The following PAPOLA variants were observed in gnomAD, a reference collection of about 807,000 sequenced individuals.
The protein encoded by PAPOLA is polynucleotide adenylyltransferase alpha.
Under a neutral mutation model 100.6 loss-of-function variants are expected in PAPOLA, and 15 were observed. That is an observed-to-expected ratio of 0.15 (90% CI 0.10 to 0.23). PAPOLA has a LOEUF of 0.23. Ranked by LOEUF, PAPOLA falls within the 10% of genes least tolerant of loss-of-function variation. The pLI is 1.00. For synonymous variants in PAPOLA, 293 were observed against 300.0 expected, an observed-to-expected ratio of 0.98 and a Z score of 0.24; for missense variants, 533 against 884.2, an observed-to-expected ratio of 0.60 and a Z score of 5.04.
At chr14:96,522,571 C>A (rs563330624) in intron 3 of PAPOLA, among the ~76,000 whole-genome samples, 2 of 152,210 alleles carry the variant, frequency 1.3e-5, no homozygotes, top group East Asian at 3.9e-4. Context: ...CACCACCAAG[C>A]CTGGCTAATT....
chr14:96,502,798 C>A lies in PAPOLA; in HGVS notation c.8+198C>A, dbSNP rs562230364. 1.9e-4 allele frequency: 103 copies of A among 543,730 alleles called. 1 individual carries two copies. In the East Asian group the frequency reaches 3.4e-3, roughly 18 times the overall value. The allele number at this position is 543,730 out of a possible 1,614,324, so 33.7% of individuals were successfully genotyped here. On this transcript the variant is annotated intron_variant, in intron 1 of 21. Coordinates refer to ENST00000216277, the MANE Select transcript of PAPOLA (RefSeq NM_032632.5). ...CCCCCCGTGTGCTGGGTTCCCGCGTCCCCCGACCCTTCCTGGCTGGGTCAG... is the reference window on the plus strand; with the variant it reads ...CCCCCCGTGTGCTGGGTTCCCGCGTACCCCGACCCTTCCTGGCTGGGTCAG...
chr14:96,560,306 C>T (rs1354123747), intron 19 of PAPOLA: 2 of 181,510 alleles, frequency 1.1e-5, no homozygotes, highest in Non-Finnish European at 2.3e-5. Context: ...GGGGGTGATA[C>T]TATGCCAAGT....
chr14:96,543,547 TATTG>T (rs1390585714), intron 14 of PAPOLA, among the ~76,000 whole-genome samples: 7 of 151,818 alleles, frequency 4.6e-5, no homozygotes, highest in Admixed American at 4.6e-4. Context: ...ACAGTATTCT[TATTG>T]ATTATATAGA....
rs1290622739 is a variant in PAPOLA at position 96,502,685 on chromosome 14, G to A, written c.8+85G>A. ...GAAGGGGAAGAGGTAGGCGGAGAGG[G>A]TGGCACGCGAGCCCGACCCTCCCCG... On this transcript the variant is annotated intron_variant, in intron 1 of 21. Coordinates refer to ENST00000216277, the MANE Select transcript of PAPOLA (RefSeq NM_032632.5). 1.0e-5 allele frequency: 15 copies of A among 1,473,784 alleles called. No individual in the cohort carries two copies. In the Admixed American group the frequency reaches 1.2e-4, roughly 11 times the overall value. 91.3% of individuals were successfully genotyped at this position (1,473,784 alleles called of 1,614,324 possible). A position where few individuals can be genotyped will look rare whatever the true frequency, so the allele number is the denominator to read the frequency against.
intron 17 of PAPOLA, among the ~76,000 whole-genome samples, chr14:96,555,253 T>C (rs181149325): frequency 0.052 from 7,835 of 149,310 alleles, 186 homozygotes; most frequent in Non-Finnish European, 0.056. Context: ...TTTTTTTTTT[T>C]CTTGTAGAGA....
chr14:96,539,272 A>T (rs964771786), intron 12 of PAPOLA, among the ~76,000 whole-genome samples: 8 of 152,138 alleles, frequency 5.3e-5, no homozygotes. Flanking sequence ...GTATACAGTA[A>T]CCTTAAATTT....
At chr14:96,554,610 AAGAG>A (rs898412749) in intron 17 of PAPOLA, among the ~76,000 whole-genome samples, 2 of 151,802 alleles carry the variant, frequency 1.3e-5, no homozygotes, top group Non-Finnish European at 2.9e-5. Context: ...GAGAGAGAGA[AAGAG>A]AGACAGACAC....
intron 3 of PAPOLA, 115 bp downstream of exon 3, chr14:96,521,187 A>T (rs1455984755): frequency 1.5e-6 from 1 of 660,856 alleles, no homozygotes; most frequent in African/African-American, 1.8e-5. Context: ...ATGTGGAGTC[A>T]ATTTTAGACT....
intron 20 of PAPOLA, among the ~76,000 whole-genome samples, chr14:96,561,538 A>G (rs1233771275): frequency 6.6e-6 from 1 of 152,188 alleles, no homozygotes; most frequent in African/African-American, 2.4e-5. Context: ...GGCTATGATT[A>G]TTTTTATCCA....
chr14:96,521,880 C>T (rs192627345), intron 3 of PAPOLA, among the ~76,000 whole-genome samples: 112 of 152,224 alleles, frequency 7.4e-4, no homozygotes, highest in African/African-American at 2.5e-3. Context: ...GGTGCCACTG[C>T]AACCACCACC....
chr14:96,543,536 T>C (rs1364866517), intron 14 of PAPOLA, among the ~76,000 whole-genome samples: 1 of 152,008 alleles, frequency 6.6e-6, no homozygotes, highest in Non-Finnish European at 1.5e-5. Flanking sequence ...ATTTGTGTTA[T>C]ACAGTATTCT....
intron 12 of PAPOLA, among the ~76,000 whole-genome samples, chr14:96,540,927 C>T (rs1899931425): frequency 1.3e-5 from 2 of 152,190 alleles, no homozygotes; most frequent in African/African-American, 2.4e-5. Context: ...CGCTCTGTTG[C>T]CCAGGCTGGA....
At chr14:96,537,128 A>G (rs768930404) in intron 12 of PAPOLA, 68 bp downstream of exon 12, 20 of 873,644 alleles carry the variant, frequency 2.3e-5, no homozygotes, top group Non-Finnish European at 3.5e-5. Flanking sequence ...GCACATTATG[A>G]CATTTCTTCT....
rs924008631 is a variant in PAPOLA, at chr14:96,542,905, T to C, written c.1289+12T>C. The stretch of plus-strand genomic sequence containing the variant: ...GAAAATCCCGACAAGTAAGCCCTTT[T>C]CTAATTTAATTTCTTCTTCCCATTT... On this transcript the variant is annotated intron_variant, in intron 14 of 21. Transcript: ENST00000216277. 22 of 1,607,924 alleles carry C rather than the reference T, an allele frequency of 1.4e-5. No homozygotes were observed. The African/African-American group carries it at 2.7e-4, about 20-fold the overall frequency.
intron 1 of PAPOLA, among the ~76,000 whole-genome samples, chr14:96,519,265 A>G (rs1308615147): frequency 6.6e-6 from 1 of 152,104 alleles, no homozygotes; most frequent in Non-Finnish European, 1.5e-5. Flanking sequence ...ATTTGGGAGA[A>G]ATAACCGATC....
At chr14:96,524,686 A>C (rs749565998) in intron 3 of PAPOLA, among the ~76,000 whole-genome samples, 2 of 152,108 alleles carry the variant, frequency 1.3e-5, no homozygotes, top group African/African-American at 2.4e-5. Flanking sequence ...ATGCCCAGCT[A>C]ATTTTTAAAA....
intron 14 of PAPOLA, 89 bp from the exon 15 acceptor site, chr14:96,544,060 A>G (rs1900198051): frequency 1.3e-6 from 1 of 746,368 alleles, no homozygotes; most frequent in Admixed American, 2.3e-5. Flanking sequence ...TTTGTATTGT[A>G]AGTTTTTCCA....
intron 20 of PAPOLA, among the ~76,000 whole-genome samples, chr14:96,561,828 GT>G (rs529927594): frequency 0.019 from 2,357 of 125,704 alleles, 33 homozygotes; most frequent in African/African-American, 0.042. Context: ...ACAATATTTC[GT>G]TTTTTTTTTT....
chr14:96,548,290 G>T (rs1256388730), intron 16 of PAPOLA, among the ~76,000 whole-genome samples: 1 of 152,128 alleles, frequency 6.6e-6, no homozygotes, highest in African/African-American at 2.4e-5. Context: ...AGTAAATTAT[G>T]TGAGACTTTT....
Sources: gnomAD v4.1 joint callset for allele counts (sites outside exome capture counted in the v4.1 genomes callset) on GRCh38, gnomAD v4.1.1 for gene constraint, MANE v1.5 for transcripts, NCBI Gene and HGNC (gene_info 2026-07-23, HGNC 2026-07-21) for gene names.